The following FER variants were observed in gnomAD, a reference collection of about 807,000 sequenced individuals.
FER encodes the protein tyrosine-protein kinase Fer.
In FER, 63 loss-of-function variants were observed where a neutral mutation model predicts 111.0. That is an observed-to-expected ratio of 0.57 (90% CI 0.46 to 0.70). The LOEUF is 0.70. Ranked by LOEUF, FER falls within the 30% of genes least tolerant of loss-of-function variation. The pLI is 0.00. For missense variants in FER, 914 were observed against 954.0 expected, an observed-to-expected ratio of 0.96 and a Z score of 0.55; for synonymous variants, 327 against 313.9, an observed-to-expected ratio of 1.04 and a Z score of -0.44.
chr5:109,075,944 AAC>A (rs1406553627), intron 16 of FER, among the ~76,000 whole-genome samples: 7 of 152,172 alleles, frequency 4.6e-5, no homozygotes, highest in Non-Finnish European at 1.0e-4. Flanking sequence ...AAAGTATATA[AAC>A]ACTAATTATT....
intron 5 of FER, among the ~76,000 whole-genome samples, chr5:108,848,179 C>G (rs1384166322): frequency 6.6e-6 from 1 of 152,174 alleles, no homozygotes; most frequent in Non-Finnish European, 1.5e-5. Flanking sequence ...CACATCTGAC[C>G]TATCTATATT....
chr5:108,919,090 C>T (rs531358454), intron 10 of FER, among the ~76,000 whole-genome samples: 1 of 152,164 alleles, frequency 6.6e-6, no homozygotes, highest in South Asian at 2.1e-4. Flanking sequence ...ATTGAAATCA[C>T]TTCCCTTTTT....
At chr5:109,085,933 G>T (rs1352034828) in intron 16 of FER, among the ~76,000 whole-genome samples, 1 of 151,686 alleles carries the variant, frequency 6.6e-6, no homozygotes, top group Non-Finnish European at 1.5e-5. Flanking sequence ...AAGTATTGCT[G>T]CATTCTATTA....
intron 8 of FER, among the ~76,000 whole-genome samples, chr5:108,877,896 G>A (rs1365876200): frequency 1.3e-5 from 2 of 152,014 alleles, no homozygotes; most frequent in Non-Finnish European, 2.9e-5. Context: ...CCATAGTAAA[G>A]GTTTTAAGAC....
chr5:108,985,447 TAA>T (rs1762463697), intron 13 of FER, among the ~76,000 whole-genome samples: 3 of 152,174 alleles, frequency 2.0e-5, no homozygotes, highest in Non-Finnish European at 4.4e-5. Context: ...TCTTTCTTTT[TAA>T]ATAGGTTTCT....
At chr5:108,938,021 C>G (rs948241860) in intron 10 of FER, among the ~76,000 whole-genome samples, 13 of 76,652 alleles carry the variant, frequency 1.7e-4, no homozygotes, top group African/African-American at 4.8e-4. Context: ...TTCCCTATCT[C>G]TCTCTCACAC....
At chr5:109,024,986 T>C (rs113873094) in intron 13 of FER, among the ~76,000 whole-genome samples, 15,923 of 150,202 alleles carry the variant, frequency 0.11, 944 homozygotes, top group Non-Finnish European at 0.14. Flanking sequence ...TATATCTCTG[T>C]TTTGGTACCA....
intron 8 of FER, among the ~76,000 whole-genome samples, chr5:108,875,849 C>T (rs1167927125): frequency 6.6e-6 from 1 of 152,062 alleles, no homozygotes. Context: ...TTTGTTGACT[C>T]TGTTTTCTGA....
intron 5 of FER, among the ~76,000 whole-genome samples, chr5:108,857,072 C>T (rs1192701607): frequency 1.3e-5 from 2 of 151,992 alleles, no homozygotes; most frequent in Non-Finnish European, 2.9e-5. Flanking sequence ...TCCCATATAC[C>T]GTTCACTCAT....
At chr5:108,925,733 T>C (rs965316387) in intron 10 of FER, among the ~76,000 whole-genome samples, 26 of 152,112 alleles carry the variant, frequency 1.7e-4, no homozygotes, top group Non-Finnish European at 7.4e-5. Context: ...TATTACTACA[T>C]CCAGTGTTTG....
At chr5:109,099,820 A>G (rs1470071857) in intron 16 of FER, among the ~76,000 whole-genome samples, 1 of 151,596 alleles carries the variant, frequency 6.6e-6, no homozygotes, top group Non-Finnish European at 1.5e-5. Flanking sequence ...TTTATTTGAT[A>G]CATAAAAATA....
chr5:109,185,456 T>G (rs1304776407), intron 18 of FER, among the ~76,000 whole-genome samples: 2 of 152,186 alleles, frequency 1.3e-5, no homozygotes, highest in Non-Finnish European at 2.9e-5. Flanking sequence ...TTAAGTTTGT[T>G]TGTAATTTTA....
intron 10 of FER, among the ~76,000 whole-genome samples, chr5:108,937,525 A>G (rs1192139197): frequency 6.6e-6 from 1 of 152,020 alleles, no homozygotes. Context: ...GAGAAAGTAC[A>G]GAGTGAGAAA....
intron 1 of FER, among the ~76,000 whole-genome samples, chr5:108,749,969 GGCTGGTA>G (rs1750281439): frequency 6.6e-6 from 1 of 152,138 alleles, no homozygotes; most frequent in African/African-American, 2.4e-5. Flanking sequence ...AATTTGTTAC[GGCTGGTA>G]GCCTTACATT....
intron 16 of FER, among the ~76,000 whole-genome samples, chr5:109,092,284 C>CAAAAAAAAAAAAAA (rs70999914): frequency 4.9e-5 from 2 of 40,424 alleles, no homozygotes; most frequent in African/African-American, 1.6e-4. Flanking sequence ...CTTATGATGG[C>CAAAAAAAAAAAAAA]AAAAAAAAAA....
chr5:109,059,397 G>A lies in FER; in HGVS notation c.1924+12199G>A, dbSNP rs559258186. ...AAAAAAATTAGCTGGGTGTGGTGGC[G>A]CACGCCTGTAGTCCCAGCTACTTGG... On this transcript the variant is annotated intron_variant, in intron 16 of 19. Coordinates refer to ENST00000281092, the MANE Select transcript of FER (RefSeq NM_005246.4). Among the ~76,000 whole-genome samples the A allele has an allele frequency of 4.0e-5, 6 of 151,444 alleles. No homozygotes were observed. In the East Asian group the frequency reaches 5.8e-4, roughly 15 times the overall value.
chr5:109,009,585 T>A (rs1053071461), intron 13 of FER, among the ~76,000 whole-genome samples: 1 of 138,808 alleles, frequency 7.2e-6, no homozygotes, highest in African/African-American at 2.5e-5. Flanking sequence ...ACTACTCTTA[T>A]AGAATCTACC....
intron 17 of FER, among the ~76,000 whole-genome samples, chr5:109,146,247 C>A (rs1477497154): frequency 3.1e-4 from 15 of 48,648 alleles, no homozygotes; most frequent in South Asian, 1.0e-3. Flanking sequence ...TATATATAAT[C>A]TATCTAATAT....
chr5:109,015,223 A>T (rs1374626265), intron 13 of FER, among the ~76,000 whole-genome samples: 1 of 152,092 alleles, frequency 6.6e-6, no homozygotes, highest in African/African-American at 2.4e-5. Flanking sequence ...CAGTTATCAC[A>T]GTAGTGTCGT....
Sources: allele counts gnomAD v4.1 joint callset (sites outside exome capture counted in the v4.1 genomes callset), GRCh38; gene constraint gnomAD v4.1.1; transcripts MANE v1.5; gene names NCBI Gene and HGNC (gene_info 2026-07-23, HGNC 2026-07-21).